Variants in PRRC2B observed in about 807,000 individuals in gnomAD.
The protein encoded by PRRC2B is protein PRRC2B.
PRRC2B carries 68 observed loss-of-function variants against 242.3 expected under a neutral mutation model. That is an observed-to-expected ratio of 0.28 (90% confidence interval 0.23 to 0.34). The LOEUF (loss-of-function observed/expected upper bound fraction) is 0.34. PRRC2B is among the 10% of genes least tolerant of loss of function. PRRC2B has a pLI of 1.00. For synonymous variants in PRRC2B, 1,228 were observed against 1,173.6 expected (o/e 1.05, Z -0.95); for missense variants, 2,835 against 2,954.8 (o/e 0.96, Z 0.94).
intron 28 of PRRC2B, among the ~76,000 whole-genome samples, chr9:131,489,184 C>CT (rs558036228): frequency 0.02 from 2,626 of 131,614 alleles, 60 homozygotes; most frequent in African/African-American, 0.04. Flanking sequence ...CTCCAAAATT[C>CT]TTTTTTTTTT....
intron 12 of PRRC2B, among the ~76,000 whole-genome samples, chr9:131,467,175 T>C (rs1943420604): frequency 6.6e-6 from 1 of 152,156 alleles, no homozygotes; most frequent in African/African-American, 2.4e-5. Flanking sequence ...CCTCAAGTGA[T>C]CCACCCGCCT....
In PRRC2B at chr9:131,487,145, G is replaced by A. The variant is rs760482526; in HGVS notation, c.5857-22G>A. ...GGATGGGCCTTGCGGTTACCTCCCC[G>A]ACCCCGTTTTCCCGTTCACAGGCCG... On this transcript the variant is annotated intron_variant, in intron 26 of 31. Coordinates refer to ENST00000683519, the MANE Select transcript of PRRC2B (RefSeq NM_013318.4). This position sits in a 1 kb window ranked among gnomAD's most constrained non-coding sequence, Gnocchi z 5.3. 3.4e-5 allele frequency: 55 copies of A among 1,611,536 alleles called. No homozygotes were observed. Among genetic ancestry groups the A allele is most frequent in the African/African-American group, 5.3e-5 (4 of 74,860 alleles).
chr9:131,441,886 A>G (rs1322891057), intron 5 of PRRC2B, among the ~76,000 whole-genome samples: 1 of 152,088 alleles, frequency 6.6e-6, no homozygotes, highest in Non-Finnish European at 1.5e-5. Context: ...AAGCCCCCTG[A>G]CTTTCCTGCC....
At chr9:131,463,792 T>A (rs1943311395) in intron 11 of PRRC2B, among the ~76,000 whole-genome samples, 1 of 151,650 alleles carries the variant, frequency 6.6e-6, no homozygotes, top group Non-Finnish European at 1.5e-5. Flanking sequence ...CTAATTTTCG[T>A]ATTTTTTTGG....
intron 5 of PRRC2B, among the ~76,000 whole-genome samples, chr9:131,440,258 C>G (rs1029338315): frequency 6.6e-6 from 1 of 152,244 alleles, no homozygotes; most frequent in African/African-American, 2.4e-5. Context: ...GGACTTGTAA[C>G]TGGTTCTTTG....
chr9:131,437,113 G>T (rs1249073455), intron 4 of PRRC2B, among the ~76,000 whole-genome samples: 2 of 152,112 alleles, frequency 1.3e-5, no homozygotes, highest in South Asian at 2.1e-4. Flanking sequence ...TCACAAAAAG[G>T]TTCACTGGCC....
At chr9:131,409,899 CAT>C (rs990002493) in intron 1 of PRRC2B, among the ~76,000 whole-genome samples, 8 of 152,304 alleles carry the variant, frequency 5.3e-5, no homozygotes, top group African/African-American at 1.9e-4. Context: ...CAATAAAGAA[CAT>C]AGATTTTGGT....
chr9:131,434,377 C>G lies in PRRC2B; in HGVS notation c.293+1583C>G, dbSNP rs147312691. Among the ~76,000 whole-genome samples, 885 of 152,380 alleles carry G rather than the reference C, an allele frequency of 5.8e-3. 4 individuals carry two copies. Among genetic ancestry groups the G allele is most frequent in the Non-Finnish European group, 9.5e-3 (643 of 68,040 alleles). The stretch of plus-strand genomic sequence containing the variant: ...TCTGCCTTTGCGGCTCCAGTGAGGG[C>G]TAGTTGTGCTGGAGCACGTCCGCCA... On this transcript the variant is annotated intron_variant, in intron 3 of 31. Coordinates refer to ENST00000683519, the MANE Select transcript of PRRC2B (RefSeq NM_013318.4).
intron 1 of PRRC2B, among the ~76,000 whole-genome samples, chr9:131,410,385 C>A (rs957335811): frequency 1.4e-4 from 22 of 152,242 alleles, no homozygotes; most frequent in Non-Finnish European, 2.9e-4. Flanking sequence ...CAGGCCTGCA[C>A]TTCACATTCA....
At chr9:131,472,531 C>T (rs1007368117) in intron 14 of PRRC2B, among the ~76,000 whole-genome samples, 1 of 138,378 alleles carries the variant, frequency 7.2e-6, no homozygotes, top group Non-Finnish European at 1.5e-5. Context: ...GGCTGGAGTG[C>T]AGTGGTGTGA....
rs1286988424 is a variant in PRRC2B at position 131,459,031 on chromosome 9, G to A, written c.1212-133G>A. 59 of 704,104 alleles carry A rather than the reference G, an allele frequency of 8.4e-5. No individual in the cohort carries two copies. In the East Asian group the frequency reaches 1.4e-3, roughly 17 times the overall value. The allele number at this position is 704,104 out of a possible 1,614,324, so 43.6% of individuals were successfully genotyped here. The stretch of plus-strand genomic sequence containing the variant: ...CCGTGGAATTCACATGGAAGTAGTG[G>A]GAGTGGTGGTCCATTCTAATGAAGA... On this transcript the variant is annotated intron_variant, in intron 10 of 31. Coordinates refer to ENST00000683519, the MANE Select transcript of PRRC2B (RefSeq NM_013318.4).
chr9:131,405,867 T>G (rs901463878), intron 1 of PRRC2B, among the ~76,000 whole-genome samples: 2 of 152,176 alleles, frequency 1.3e-5, no homozygotes, highest in African/African-American at 4.8e-5. Flanking sequence ...GTCAGCTGCC[T>G]TCAAGTCCAG....
In PRRC2B at chr9:131,486,147, C is replaced by G. The variant is rs1161336328; in HGVS notation, c.5821C>G (p.Pro1941Ala). ...HVFASQPRLV[P>A]QTIPQQQSYQ... ...GTTTGCAAGTCAGCCCCGGCTGGTT[C>G]CTCAAACGATACCTCAGCAGCAGAG... The change falls in exon 26 of 32, where the codon CCT (proline) becomes GCT (alanine). Residue 1941 changes from proline to alanine, a missense_variant. By Grantham distance (27) the Pro-to-Ala change is conservative (BLOSUM62 -1). Around this residue, in one of 7 missense-constraint regions of PRRC2B, gnomAD observed 574 missense variants for 626.0 expected, o/e 0.92. Transcript: ENST00000683519. 1.2e-6 allele frequency: 2 copies of G among 1,612,702 alleles called. No homozygotes were observed. Among genetic ancestry groups the G allele is most frequent in the South Asian group, 1.1e-5 (1 of 90,746 alleles).
At chr9:131,401,247 TCA>T (rs1426027717) in intron 1 of PRRC2B, among the ~76,000 whole-genome samples, 1 of 152,202 alleles carries the variant, frequency 6.6e-6, no homozygotes, top group African/African-American at 2.4e-5. Flanking sequence ...TGAAGCACTT[TCA>T]CAGTGTTGTG....
chr9:131,390,318 C>T (rs893313254), upstream of PRRC2B, among the ~76,000 whole-genome samples: 8 of 149,828 alleles, frequency 5.3e-5, no homozygotes, highest in African/African-American at 1.2e-4. Flanking sequence ...AGTGAATGAA[C>T]GGACGAACTT....
chr9:131,382,862 C>G (rs1207119351), intron 1 of PRRC2B, among the ~76,000 whole-genome samples: 1 of 152,154 alleles, frequency 6.6e-6, no homozygotes, highest in African/African-American at 2.4e-5. Context: ...CCAGGCTGTT[C>G]TCGAACTCCT....
intron 1 of PRRC2B, among the ~76,000 whole-genome samples, chr9:131,383,360 T>C (rs903296182): frequency 1.3e-5 from 2 of 152,134 alleles, no homozygotes; most frequent in Admixed American, 6.6e-5. Flanking sequence ...AGCTCATGAC[T>C]GCACCAGCTG....
intron 5 of PRRC2B, among the ~76,000 whole-genome samples, chr9:131,442,293 C>T (rs569563915): frequency 2.2e-4 from 34 of 152,018 alleles, no homozygotes; most frequent in Middle Eastern, 3.4e-3. Context: ...CCACCATGCC[C>T]GGCTAATTTT....
chr9:131,474,504 C>T lies in PRRC2B; in HGVS notation c.2375C>T (p.Ala792Val), dbSNP rs1217826976. 2.5e-6 allele frequency: 4 copies of T among 1,613,876 alleles called. No homozygotes were observed. Among genetic ancestry groups the T allele is most frequent in the African/African-American group, 2.7e-5 (2 of 74,942 alleles). Residue 792 changes from alanine to valine, a missense_variant, in exon 16 of 32, where the codon GCT becomes GTT. Coordinates refer to ENST00000683519, the MANE Select transcript of PRRC2B (RefSeq NM_013318.4). ...CTCGGAAGGGCAGGGGGCGTAAGTGCTCAGCGCGATCTCTTTGAGGAGAGA... is the reference window on the plus strand; with the variant it reads ...CTCGGAAGGGCAGGGGGCGTAAGTGTTCAGCGCGATCTCTTTGAGGAGAGA... ...ASLGRAGGVS[A>V]QRDLFEERGE...
Sources: allele counts gnomAD v4.1 joint callset (sites outside exome capture counted in the v4.1 genomes callset), GRCh38; gene constraint gnomAD v4.1.1; regional missense constraint gnomAD v4.1.1; non-coding constraint Gnocchi (gnomAD v3.1); transcripts MANE v1.5; gene names NCBI Gene and HGNC (gene_info 2026-07-23, HGNC 2026-07-21).